HTR4: variants seen among roughly 807,000 people sequenced by gnomAD.
The protein encoded by HTR4 is 5-hydroxytryptamine receptor 4, also known as 5-hydroxytryptamine (serotonin) receptor 4, G protein-coupled.
HTR4 carries 16 observed loss-of-function variants against 36.8 expected under a neutral mutation model. That is an observed-to-expected ratio of 0.43 (90% CI 0.29 to 0.66). HTR4 has a LOEUF of 0.66. Ranked by LOEUF, HTR4 falls within the 30% of genes least tolerant of loss-of-function variation. The pLI, the probability that HTR4 is intolerant of heterozygous loss-of-function variation, is 0.13. For synonymous variants in HTR4, 189 were observed against 185.1 expected, an observed-to-expected ratio of 1.02 and a Z score of -0.17; for missense variants, 438 against 490.9, an observed-to-expected ratio of 0.89 and a Z score of 1.02.
Position 148,462,983 on chromosome 5 carries a change from G to A in HTR4, c.1077-11711C>T, listed in dbSNP as rs537040918. Among the ~76,000 whole-genome samples the A allele has an allele frequency of 9.2e-5, 14 of 151,456 alleles. No individual in the cohort carries two copies. In the East Asian group the frequency reaches 9.7e-4, roughly 11 times the overall value. On this transcript the variant is annotated intron_variant, in intron 5 of 5. Coordinates refer to the HTR4 transcript ENST00000521530. ...TCAATTCATGATTTAAAAAGCTCTC[G>A]GTAAACTAAGACTAGAGGAGAACTT...
At chr5:148,576,126 A>AAAAAAAAAAAAC (rs1760902523) in intron 2 of HTR4, among the ~76,000 whole-genome samples, 1 of 149,292 alleles carries the variant, frequency 6.7e-6, no homozygotes, top group African/African-American at 2.5e-5. Context: ...AAAAAAAAAA[A>AAAAAAAAAAAAC]AAAAAAACAA....
chr5:148,519,042 A>G (rs1230479262), intron 5 of HTR4, among the ~76,000 whole-genome samples: 2 of 152,266 alleles, frequency 1.3e-5, no homozygotes, highest in Non-Finnish European at 1.5e-5. Context: ...TCAATTGCCT[A>G]TGGAACATAG....
At chr5:148,497,358 T>C (rs1377447510) in intron 6 of HTR4, among the ~76,000 whole-genome samples, 1 of 152,182 alleles carries the variant, frequency 6.6e-6, no homozygotes, top group African/African-American at 2.4e-5. Flanking sequence ...TTATGAAATA[T>C]CTTATTACTT....
rs1755896012 is a variant in HTR4, at chr5:148,481,731, A to G, written c.*1472T>C. Reference sequence around the variant, plus strand: ...CTGAGATGCTATTAAACCACAGCCAAGATCAAAGTCAGAATCTCACATGGC... The same window carrying G: ...CTGAGATGCTATTAAACCACAGCCAGGATCAAAGTCAGAATCTCACATGGC... On this transcript the variant is annotated 3_prime_UTR_variant, in exon 7 of 7. Transcript: ENST00000377888. 3.5e-6 allele frequency: 5 copies of G among 1,434,840 alleles called. No individual in the cohort carries two copies. Among genetic ancestry groups the G allele is most frequent in the Non-Finnish European group, 3.6e-6 (4 of 1,104,420 alleles). The allele number at this position is 1,434,840 out of a possible 1,614,324, so 88.9% of individuals were successfully genotyped here. A position where few individuals can be genotyped will look rare whatever the true frequency, so the allele number is the denominator to read the frequency against.
At chr5:148,534,059 G>A (rs1758698743) in intron 4 of HTR4, among the ~76,000 whole-genome samples, 1 of 152,184 alleles carries the variant, frequency 6.6e-6, no homozygotes, top group Admixed American at 6.5e-5. Context: ...TATGTGCAAT[G>A]GAGGTGGTTA....
At chr5:148,591,111 T>A (rs1761550621) in intron 2 of HTR4, among the ~76,000 whole-genome samples, 1 of 152,202 alleles carries the variant, frequency 6.6e-6, no homozygotes, top group African/African-American at 2.4e-5. Context: ...CTTGTTTTTG[T>A]CAGCTTTGTC....
At chr5:148,484,135 TGCAAGCACATAG>T in intron 6 of HTR4, 1 of 1,003,694 alleles carries the variant, frequency 1.0e-6, no homozygotes, top group South Asian at 1.7e-5. Context: ...TTAAGTTTTT[TGCAAGCACATAG>T]GAAGATCAAA....
intron 6 of HTR4, among the ~76,000 whole-genome samples, chr5:148,507,769 A>G (rs919335100): frequency 1.3e-5 from 2 of 152,174 alleles, no homozygotes; most frequent in Non-Finnish European, 2.9e-5. Flanking sequence ...GAAAAAAACC[A>G]TCAACTGCTA....
chr5:148,642,215 C>A (rs1317566682), intron 1 of HTR4, among the ~76,000 whole-genome samples: 2 of 152,020 alleles, frequency 1.3e-5, no homozygotes, highest in Non-Finnish European at 2.9e-5. Context: ...AGGGTGGGAG[C>A]CTGACATAAT....
At chr5:148,485,436 C>T (rs755904333) in intron 6 of HTR4, among the ~76,000 whole-genome samples, 4 of 152,176 alleles carry the variant, frequency 2.6e-5, no homozygotes, top group South Asian at 2.1e-4. Context: ...ATTTAGGTCT[C>T]GCTGTCTCTA....
chr5:148,642,789 G>T (rs777832092), intron 1 of HTR4, among the ~76,000 whole-genome samples: 2 of 152,056 alleles, frequency 1.3e-5, no homozygotes, highest in African/African-American at 2.4e-5. Flanking sequence ...TTTGTTTTCT[G>T]GGAAACATTC....
At chr5:148,568,360 A>T (rs1054330345) in intron 2 of HTR4, among the ~76,000 whole-genome samples, 21 of 152,112 alleles carry the variant, frequency 1.4e-4, no homozygotes, top group Admixed American at 3.9e-4. Context: ...ATTTTTTTAA[A>T]GTATACATAG....
At chr5:148,555,933 A>G (rs1759928916) in intron 2 of HTR4, among the ~76,000 whole-genome samples, 1 of 148,410 alleles carries the variant, frequency 6.7e-6, no homozygotes, top group Non-Finnish European at 1.5e-5. Context: ...AGGAAATCTT[A>G]GGTTATACTT....
intron 2 of HTR4, among the ~76,000 whole-genome samples, chr5:148,613,490 C>T (rs1752528585): frequency 6.6e-6 from 1 of 151,816 alleles, no homozygotes; most frequent in Admixed American, 6.6e-5. Flanking sequence ...ACCCTTCATG[C>T]TAAAAACTCT....
At chr5:148,584,556 C>T (rs1761276615) in intron 2 of HTR4, among the ~76,000 whole-genome samples, 1 of 152,110 alleles carries the variant, frequency 6.6e-6, no homozygotes, top group Non-Finnish European at 1.5e-5. Context: ...ATTCAATGGC[C>T]AGGCTGTCCT....
chr5:148,625,164 A>C (rs1753050028), intron 2 of HTR4, among the ~76,000 whole-genome samples: 1 of 152,192 alleles, frequency 6.6e-6, no homozygotes, highest in Non-Finnish European at 1.5e-5. Flanking sequence ...CGTCTGGCTG[A>C]AAAATGAATT....
chr5:148,565,207 T>C (rs1255018644), intron 2 of HTR4, among the ~76,000 whole-genome samples: 1 of 152,154 alleles, frequency 6.6e-6, no homozygotes, highest in African/African-American at 2.4e-5. Context: ...CTATTAATAT[T>C]CATCTTTTCT....
chr5:148,601,315 T>G (rs1761988451), intron 2 of HTR4, among the ~76,000 whole-genome samples: 1 of 152,152 alleles, frequency 6.6e-6, no homozygotes, highest in South Asian at 2.1e-4. Context: ...AACTACCATA[T>G]GAGACAGCAA....
At chr5:148,609,936 AC>A (rs67357438) in intron 2 of HTR4, among the ~76,000 whole-genome samples, 40,122 of 151,992 alleles carry the variant, frequency 0.26, 6,175 homozygotes, top group Non-Finnish European at 0.34. Flanking sequence ...AATCTTAGAA[AC>A]TTTTGAGTGA....
Sources: gnomAD v4.1 joint callset for allele counts (sites outside exome capture counted in the v4.1 genomes callset) on GRCh38, gnomAD v4.1.1 for gene constraint, MANE v1.5 for transcripts, NCBI Gene and HGNC (gene_info 2026-07-23, HGNC 2026-07-21) for gene names.